The following BRD1 variants were observed in gnomAD, a reference collection of about 807,000 sequenced individuals.
BRD1 encodes the protein bromodomain containing 1.
Under a neutral mutation model 107.7 loss-of-function variants are expected in BRD1, and 24 were observed. The observed-to-expected ratio is 0.22, with a 90% CI of 0.16 to 0.31. BRD1 has a LOEUF of 0.31. Among genes scored for constraint, BRD1 ranks in the 10% least tolerant of loss-of-function variants. The pLI, the probability that BRD1 is intolerant of heterozygous loss-of-function variation, is 1.00. For synonymous variants in BRD1, 744 were observed against 686.1 expected, an observed-to-expected ratio of 1.08 and a Z score of -1.32; for missense variants, 1,279 against 1,638.6, an observed-to-expected ratio of 0.78 and a Z score of 3.79.
At chr22:49,807,671 G>A (rs925401636) in intron 2 of BRD1, among the ~76,000 whole-genome samples, 2 of 152,106 alleles carry the variant, frequency 1.3e-5, no homozygotes, top group African/African-American at 4.8e-5. Context: ...AAACAGAAGG[G>A]AAAAGCTTCA....
At chr22:49,818,963 A>C (rs189882615) in intron 2 of BRD1, among the ~76,000 whole-genome samples, 1 of 152,298 alleles carries the variant, frequency 6.6e-6, no homozygotes, top group African/African-American at 2.4e-5. Context: ...GAGGAAGTGA[A>C]AAGAAAAAAT....
intron 2 of BRD1, chr22:49,820,916 G>A (rs1300214750): frequency 1.3e-5 from 2 of 152,268 alleles, no homozygotes; most frequent in Non-Finnish European, 2.9e-5. Context: ...CCTGGAGACT[G>A]GGAAACCCAG....
chr22:49,826,051 A>C, intron 1 of BRD1: 5 of 493,112 alleles, frequency 1.0e-5, no homozygotes, highest in Non-Finnish European at 1.3e-5. Flanking sequence ...TGAGCCCTGC[A>C]GAGGTGACAC....
intron 3 of BRD1, among the ~76,000 whole-genome samples, chr22:49,802,782 G>A (rs571739649): frequency 1.3e-5 from 2 of 152,346 alleles, no homozygotes; most frequent in South Asian, 2.1e-4. Context: ...CCCCCAAACC[G>A]TGCTGTCCTT....
chr22:49,786,711 C>T lies in BRD1; in HGVS notation c.2857+679G>A, dbSNP rs527587143. The stretch of plus-strand genomic sequence containing the variant: ...TGACTGAGGGTTGCAGAGTCGAGCT[C>T]CCACAAGTGCTGGGAGCGGCCAGTC... On this transcript the variant is annotated intron_variant, in intron 8 of 12. Transcript: ENST00000404760. Among the ~76,000 whole-genome samples the T allele has an allele frequency of 3.3e-5, 5 of 152,226 alleles. No individual in the cohort carries two copies. In the South Asian group the frequency reaches 1.0e-3, roughly 32 times the overall value.
At position 49,774,039 on chromosome 22, in the gene BRD1, C is replaced by T. The variant is rs914639688; in HGVS notation, c.*194G>A. On this transcript the variant is annotated 3_prime_UTR_variant, in exon 13 of 13. Transcript: ENST00000404760. ...CGACAGACGCACTGGGCTGCCCGGA[C>T]GTGCCCACCCCACTCACAGCGCCCA... 2.3e-5 allele frequency: 15 copies of T among 659,128 alleles called. No homozygotes were observed. In the East Asian group the frequency reaches 3.9e-4, roughly 17 times the overall value. 40.8% of individuals were successfully genotyped at this position (659,128 alleles called of 1,614,324 possible).
In BRD1 at chr22:49,783,504, T is replaced by C. The variant is rs763724227; in HGVS notation, c.2857+3886A>G. 2.0e-5 allele frequency among the ~76,000 whole-genome samples: 3 copies of C among 152,250 alleles called. No homozygotes were observed. The highest frequency in any genetic ancestry group is 4.4e-5 in the Non-Finnish European group (3 of 68,040). On this transcript the variant is annotated intron_variant, in intron 8 of 12. Transcript: ENST00000404760. The surrounding 1 kb of genome is among the most constrained non-coding windows in gnomAD (Gnocchi z 4.2). The stretch of plus-strand genomic sequence containing the variant: ...AGACACAGCACAACGCGCCTGGGCA[T>C]GGCCGTCACACCCAAACCACCAGTC...
In BRD1 at chr22:49,777,204, C is replaced by T; in HGVS notation, c.2994-43G>A. On this transcript the variant is annotated intron_variant, in intron 9 of 12. Coordinates refer to ENST00000404760, the MANE Select transcript of BRD1 (RefSeq NM_001304808.3). ...GAGGGAGTCAGGCGCCCCGCCCCTGCCTTCAGCCTCACTCGGGCTTCGTCC... is the reference window on the plus strand; with the variant it reads ...GAGGGAGTCAGGCGCCCCGCCCCTGTCTTCAGCCTCACTCGGGCTTCGTCC... The T allele has an allele frequency of 3.7e-6, 6 of 1,603,802 alleles. No individual in the cohort carries two copies. The South Asian group carries it at 4.4e-5, about 12-fold the overall frequency.
intron 2 of BRD1, among the ~76,000 whole-genome samples, chr22:49,815,166 C>T (rs914430258): frequency 2.0e-5 from 3 of 152,192 alleles, no homozygotes; most frequent in Non-Finnish European, 4.4e-5. Context: ...GCGGTGAGGC[C>T]AGTGAGAAAC....
Position 49,824,235 on chromosome 22 carries a change from C to A in BRD1, c.83G>T (p.Arg28Leu). ...AGCTTGAGCGTAGGTCAGCGTTTCT[C>A]GCGTAGGGGAGTGTTTAACACTGCA... ...SPCSVKHSPTRETLTYAQAQR... is the reference protein window; with the variant it reads ...SPCSVKHSPTLETLTYAQAQR... Residue 28 changes from arginine to leucine, a missense_variant, in exon 2 of 13, where the codon CGA (arginine) becomes CTA (leucine). Physicochemically the swap from Arg to Leu is moderately radical, Grantham distance 102 (BLOSUM62 -2). Coordinates refer to ENST00000404760, the MANE Select transcript of BRD1 (RefSeq NM_001304808.3). The surrounding 1 kb of genome is among the most constrained non-coding windows in gnomAD (Gnocchi z 5.9). The A allele has an allele frequency of 6.2e-7, 1 of 1,613,998 alleles. No homozygotes were observed. The highest frequency in any genetic ancestry group is 8.5e-7 in the Non-Finnish European group (1 of 1,180,028).
rs182427913 is a variant in BRD1, at chr22:49,824,809, C to T, written c.-14-478G>A. ...GGCTACCTGGTCCTATCGGATGCTC[C>T]CCCTAAACCACTCTTCCCCTCCCCA... On this transcript the variant is annotated intron_variant, in intron 1 of 12. Coordinates refer to ENST00000404760, the MANE Select transcript of BRD1 (RefSeq NM_001304808.3). This position sits in a 1 kb window ranked among gnomAD's most constrained non-coding sequence, Gnocchi z 5.9. The T allele has an allele frequency of 3.6e-4, 367 of 1,009,014 alleles. 2 individuals carry two copies. In the African/African-American group the frequency reaches 5.8e-3, roughly 16 times the overall value. The allele number at this position is 1,009,014 out of a possible 1,614,324, so 62.5% of individuals were successfully genotyped here.
At chr22:49,790,454 C>G (rs545046754) in intron 7 of BRD1, among the ~76,000 whole-genome samples, 14 of 152,346 alleles carry the variant, frequency 9.2e-5, no homozygotes, top group Admixed American at 9.1e-4. Context: ...TCTCAGACCC[C>G]GTCAATGTAT....
Position 49,800,983 on chromosome 22 carries a change from C to T in BRD1, c.1525-1864G>A, listed in dbSNP as rs916622777. On this transcript the variant is annotated intron_variant, in intron 3 of 12. Transcript: ENST00000404760. ...AGGGCCCACAGTGTTACAGAGTGGC[C>T]GACCCCAGGCCTCCTGGCAACAGCA... 9.2e-5 allele frequency among the ~76,000 whole-genome samples: 14 copies of T among 152,344 alleles called. 1 individual carries two copies. Among genetic ancestry groups the T allele is most frequent in the Admixed American group, 2.0e-4 (3 of 15,308 alleles).
chr22:49,797,379 C>T (rs1300031572), intron 6 of BRD1, among the ~76,000 whole-genome samples: 3 of 152,200 alleles, frequency 2.0e-5, no homozygotes, highest in Admixed American at 1.3e-4. Context: ...TGGATGAAAA[C>T]CCCCAACTAA....
intron 1 of BRD1, chr22:49,826,217 A>T: frequency 1.0e-6 from 1 of 985,438 alleles, no homozygotes; most frequent in Non-Finnish European, 1.2e-6. Flanking sequence ...AACGACAAGC[A>T]GCCCCTGGAA....
intron 7 of BRD1, among the ~76,000 whole-genome samples, chr22:49,791,695 C>A (rs6009875): frequency 6.6e-6 from 1 of 151,896 alleles, no homozygotes; most frequent in Non-Finnish European, 1.5e-5. Context: ...TCTCCACAGA[C>A]CCCCATCTTC....
chr22:49,792,048 C>A lies in BRD1; in HGVS notation c.2359+1986G>T, dbSNP rs1038865430. On this transcript the variant is annotated intron_variant, in intron 7 of 12. Coordinates refer to ENST00000404760, the MANE Select transcript of BRD1 (RefSeq NM_001304808.3). This position sits in a 1 kb window ranked among gnomAD's most constrained non-coding sequence, Gnocchi z 4.2. Reference sequence around the variant, plus strand: ...TGGGTGTTATGAGGAGCCACGCTCACCACAGCGGAGGGCCAAGCAGCTCCA... The same window carrying A: ...TGGGTGTTATGAGGAGCCACGCTCAACACAGCGGAGGGCCAAGCAGCTCCA... 6.6e-6 allele frequency among the ~76,000 whole-genome samples: 1 copy of A among 152,182 alleles called. No homozygotes were observed. Among genetic ancestry groups the A allele is most frequent in the Non-Finnish European group, 1.5e-5 (1 of 68,042 alleles).
intron 6 of BRD1, among the ~76,000 whole-genome samples, chr22:49,797,408 A>T (rs2059554733): frequency 6.6e-6 from 1 of 152,142 alleles, no homozygotes; most frequent in South Asian, 2.1e-4. Flanking sequence ...CTGGGTCTGC[A>T]TCGTCGAGAC....
At chr22:49,796,143 T>A (rs1279263479) in intron 6 of BRD1, among the ~76,000 whole-genome samples, 1 of 151,000 alleles carries the variant, frequency 6.6e-6, no homozygotes, top group Non-Finnish European at 1.5e-5. Context: ...CAGGCTGGAG[T>A]GTAGTGGCGT....
Sources: allele counts gnomAD v4.1 joint callset (sites outside exome capture counted in the v4.1 genomes callset), GRCh38; gene constraint gnomAD v4.1.1; non-coding constraint Gnocchi (gnomAD v3.1); transcripts MANE v1.5; gene names NCBI Gene and HGNC (gene_info 2026-07-23, HGNC 2026-07-21).